The following SMARCA2 variants were observed in gnomAD, a reference collection of about 807,000 sequenced individuals.
SMARCA2 encodes the protein SWI/SNF related BAF chromatin remodeling complex subunit ATPase 2.
Under a neutral mutation model 199.8 loss-of-function variants are expected in SMARCA2, and 61 were observed. The observed-to-expected ratio is 0.31, with a 90% confidence interval of 0.25 to 0.38. SMARCA2 has a LOEUF of 0.38. SMARCA2 is among the 10% of genes least tolerant of loss of function. The pLI, the probability that SMARCA2 is intolerant of heterozygous loss-of-function variation, is 1.00. For missense variants in SMARCA2, 1,344 were observed against 2,012.2 expected, an observed-to-expected ratio of 0.67 and a Z score of 6.35; for synonymous variants, 935 against 732.0, an observed-to-expected ratio of 1.28 and a Z score of -4.48.
intron 19 of SMARCA2, among the ~76,000 whole-genome samples, chr9:2,094,193 T>A (rs1050084729): frequency 5.3e-5 from 8 of 152,162 alleles, no homozygotes; most frequent in African/African-American, 1.9e-4. Flanking sequence ...GGAGCAAACA[T>A]AAAATATAGT....
chr9:2,045,333 A>G (rs940739550), intron 4 of SMARCA2: 2 of 152,248 alleles, frequency 1.3e-5, no homozygotes, highest in Admixed American at 1.3e-4. Flanking sequence ...AAGGAGAGTC[A>G]TAGAATCATA....
At chr9:2,052,358 C>A (rs1448158505) in intron 5 of SMARCA2, among the ~76,000 whole-genome samples, 1 of 152,206 alleles carries the variant, frequency 6.6e-6, no homozygotes, top group Non-Finnish European at 1.5e-5. Flanking sequence ...CCTATAGCCC[C>A]AGCTACATGG....
At chr9:2,107,020 A>T (rs10811446) in intron 23 of SMARCA2, among the ~76,000 whole-genome samples, 58,490 of 152,022 alleles carry the variant, frequency 0.38, 15,390 homozygotes, top group African/African-American at 0.75. Context: ...TTAAATCTTG[A>T]GCCACTTGCA....
chr9:2,171,840 C>A (rs913252043), intron 29 of SMARCA2, among the ~76,000 whole-genome samples: 2 of 152,194 alleles, frequency 1.3e-5, no homozygotes, highest in Non-Finnish European at 2.9e-5. Flanking sequence ...TCCCTCTTTG[C>A]CCTCTTCCAT....
At chr9:2,145,867 G>A (rs992591455) in intron 27 of SMARCA2, among the ~76,000 whole-genome samples, 1 of 152,224 alleles carries the variant, frequency 6.6e-6, no homozygotes, top group Non-Finnish European at 1.5e-5. Context: ...CACCTGGAGG[G>A]GTAGTGGAAT....
Position 2,131,055 on chromosome 9 carries a change from G to C in SMARCA2, c.3981+7118G>C, listed in dbSNP as rs182635524. On this transcript the variant is annotated intron_variant, in intron 27 of 33. Transcript: ENST00000349721. ...TCCTTTGCTCTTTCTGCCAACTTCAGAATCCTTCCTTTCCTTAAAACATTT... is the reference window on the plus strand; with the variant it reads ...TCCTTTGCTCTTTCTGCCAACTTCACAATCCTTCCTTTCCTTAAAACATTT... Among the ~76,000 whole-genome samples, 320 of 152,300 alleles carry C rather than the reference G, an allele frequency of 2.1e-3. 5 individuals are homozygous for C. Among genetic ancestry groups the C allele is most frequent in the Middle Eastern group, 0.01 (3 of 294 alleles).
intron 31 of SMARCA2, among the ~76,000 whole-genome samples, chr9:2,184,670 A>C (rs1255467568): frequency 1.3e-5 from 2 of 152,110 alleles, no homozygotes; most frequent in Non-Finnish European, 2.9e-5. Flanking sequence ...TATCTTAAGC[A>C]GAAAATTGAC....
intron 2 of SMARCA2, among the ~76,000 whole-genome samples, 169 bp downstream of exon 2, chr9:2,029,416 C>T (rs1372281250): frequency 6.6e-6 from 1 of 152,168 alleles, no homozygotes; most frequent in Non-Finnish European, 1.5e-5. Context: ...ACTTTTATTG[C>T]TACAGATGTT....
intron 32 of SMARCA2, among the ~76,000 whole-genome samples, chr9:2,188,041 A>ATATT (rs1213560863): frequency 6.6e-6 from 1 of 152,202 alleles, no homozygotes; most frequent in African/African-American, 2.4e-5. Flanking sequence ...CTTTTCAAAT[A>ATATT]TATTAAAAGT....
intron 24 of SMARCA2, among the ~76,000 whole-genome samples, chr9:2,113,954 T>C (rs959022686): frequency 6.6e-6 from 1 of 152,028 alleles, no homozygotes; most frequent in Non-Finnish European, 1.5e-5. Context: ...GGAAAAAGAG[T>C]ATCAGCCTTC....
chr9:2,060,507 T>C (rs918695281), intron 8 of SMARCA2, among the ~76,000 whole-genome samples: 5 of 152,252 alleles, frequency 3.3e-5, no homozygotes, highest in Non-Finnish European at 5.9e-5. Flanking sequence ...AATTCTAAAA[T>C]CTTTTTGTAC....
Position 2,161,882 on chromosome 9 carries a change from C to G in SMARCA2, c.4178C>G (p.Thr1393Ser). 1 of 1,613,818 alleles carries G rather than the reference C, an allele frequency of 6.2e-7. No homozygotes were observed. The highest frequency in any genetic ancestry group is 1.7e-5 in the Admixed American group (1 of 60,014). The change falls in exon 28 of 34, where the codon ACT becomes AGT. Residue 1393 changes from threonine to serine, a missense_variant. Around this residue, in one of 18 missense-constraint regions of SMARCA2, gnomAD observed 151 missense variants for 154.0 expected, o/e 0.98. Transcript: ENST00000349721. This position sits in a 1 kb window ranked among gnomAD's most constrained non-coding sequence, Gnocchi z 4.7. ...LTKQMNAIID[T>S]VINYKDRCNV... ...AAGCAGATGAACGCTATCATCGATA[C>G]TGTGATAAACTACAAAGATAGGTGA...
At position 2,055,882 on chromosome 9, in the gene SMARCA2, C is replaced by T. The variant is rs936731625; in HGVS notation, c.1174-790C>T. 2.6e-5 allele frequency among the ~76,000 whole-genome samples: 4 copies of T among 152,110 alleles called. No homozygotes were observed. In the East Asian group the frequency reaches 5.8e-4, roughly 22 times the overall value. Reference sequence around the variant, plus strand: ...CGGAATATGTTTATGTTCAAATTAGCGTTGCCATGACGGACTCTTATTGAT... The same window carrying T: ...CGGAATATGTTTATGTTCAAATTAGTGTTGCCATGACGGACTCTTATTGAT... On this transcript the variant is annotated intron_variant, in intron 6 of 33. Transcript: ENST00000349721.
intron 19 of SMARCA2, among the ~76,000 whole-genome samples, chr9:2,095,266 A>G (rs1223408910): frequency 7.9e-5 from 12 of 151,942 alleles, no homozygotes; most frequent in African/African-American, 2.9e-4. Flanking sequence ...TTGTATTTTT[A>G]GTAGAGCTGG....
At position 2,193,186 on chromosome 9, in the gene SMARCA2, C is replaced by G. The variant is rs865814337; in HGVS notation, c.*447C>G. ...GCAATTTTCGAGGTTTTTATTTGTT[C>G]GGTATTGTTTTTTTACACTGTGGTA... On this transcript the variant is annotated 3_prime_UTR_variant, in exon 34 of 34. Coordinates refer to ENST00000349721, the MANE Select transcript of SMARCA2 (RefSeq NM_003070.5). The G allele has an allele frequency of 6.3e-6, 1 of 157,832 alleles. No homozygotes were observed. Among genetic ancestry groups the G allele is most frequent in the African/African-American group, 2.4e-5 (1 of 41,486 alleles). 9.8% of individuals were successfully genotyped at this position (157,832 alleles called of 1,614,324 possible). A position where few individuals can be genotyped will look rare whatever the true frequency, so the allele number is the denominator to read the frequency against.
chr9:2,047,558 G>A (rs774410350), intron 5 of SMARCA2, 74 bp downstream of exon 5: 40 of 1,217,182 alleles, frequency 3.3e-5, no homozygotes, highest in Non-Finnish European at 4.2e-5. Flanking sequence ...GGGGTGAGGC[G>A]CCTGCCTCCT....
chr9:2,148,901 C>T (rs1466963702), intron 27 of SMARCA2, among the ~76,000 whole-genome samples: 1 of 151,494 alleles, frequency 6.6e-6, no homozygotes, highest in South Asian at 2.1e-4. Flanking sequence ...GACCTGGTCT[C>T]CTGGTGTCTC....
At chr9:2,054,469 A>G in intron 5 of SMARCA2, 128 bp from the exon 6 acceptor site, 2 of 1,128,742 alleles carry the variant, frequency 1.8e-6, no homozygotes, top group African/African-American at 1.6e-5. Flanking sequence ...GGTGTTAGAG[A>G]TCAACTATCA....
intron 22 of SMARCA2, among the ~76,000 whole-genome samples, chr9:2,103,718 T>A (rs146706240): frequency 6.6e-6 from 1 of 150,594 alleles, no homozygotes; most frequent in African/African-American, 2.5e-5. Flanking sequence ...GAGAGAAAGA[T>A]TGAAAGTATT....
Sources: allele counts gnomAD v4.1 joint callset (sites outside exome capture counted in the v4.1 genomes callset), GRCh38; gene constraint gnomAD v4.1.1; regional missense constraint gnomAD v4.1.1; non-coding constraint Gnocchi (gnomAD v3.1); transcripts MANE v1.5; gene names NCBI Gene and HGNC (gene_info 2026-07-23, HGNC 2026-07-21).